The following KCNMA1 variants were observed in gnomAD, a reference collection of about 807,000 sequenced individuals.
KCNMA1 encodes Calcium-activated potassium channel subunit alpha-1.
Under a neutral mutation model 140.0 loss-of-function variants are expected in KCNMA1, and 29 were observed. The observed-to-expected ratio is 0.21, with a 90% confidence interval of 0.15 to 0.28. The LOEUF (loss-of-function observed/expected upper bound fraction) is 0.28, where lower values mean the gene tolerates loss of function less well. Among genes scored for constraint, KCNMA1 ranks in the 10% least tolerant of loss-of-function variants. The probability of loss-of-function intolerance (pLI) is 1.00; values close to 1 mark genes in which losing one functional copy is unlikely to be tolerated. For synonymous variants in KCNMA1, 612 were observed against 611.9 expected (o/e 1.00, Z 0.00); for missense variants, 880 against 1,602.2 (o/e 0.55, Z 7.70).
chr10:76,930,888 T>C (rs576557384), intron 23 of KCNMA1, among the ~76,000 whole-genome samples: 3 of 152,346 alleles, frequency 2.0e-5, no homozygotes, highest in East Asian at 3.9e-4. Flanking sequence ...AAGCCAGTTA[T>C]AGAAGGACAA....
At chr10:77,395,144 C>T (rs1213968779) in intron 2 of KCNMA1, among the ~76,000 whole-genome samples, 3 of 151,960 alleles carry the variant, frequency 2.0e-5, no homozygotes, top group Non-Finnish European at 4.4e-5. Flanking sequence ...CCCAGGGGTT[C>T]AAGACCAACC....
chr10:77,378,098 G>A (rs1007663124), intron 2 of KCNMA1, among the ~76,000 whole-genome samples: 1 of 152,206 alleles, frequency 6.6e-6, no homozygotes, highest in African/African-American at 2.4e-5. Context: ...GAGAGAGTAA[G>A]CCATAGTTCT....
intron 3 of KCNMA1, among the ~76,000 whole-genome samples, chr10:77,199,100 T>G (rs529062760): frequency 1.1e-4 from 17 of 152,292 alleles, no homozygotes; most frequent in Admixed American, 6.5e-4. Context: ...ACTACCTTCC[T>G]CATTCCTTGA....
intron 15 of KCNMA1, among the ~76,000 whole-genome samples, chr10:77,029,746 T>C (rs550654269): frequency 1.3e-5 from 2 of 152,140 alleles, no homozygotes; most frequent in East Asian, 3.9e-4. Context: ...AAGAGCTTTC[T>C]AGGAAGTAGA....
At chr10:77,364,173 G>A (rs1376359689) in intron 2 of KCNMA1, among the ~76,000 whole-genome samples, 5 of 152,126 alleles carry the variant, frequency 3.3e-5, no homozygotes, top group East Asian at 3.9e-4. Context: ...CTGTGCGGCC[G>A]GGCGCAGTGG....
intron 5 of KCNMA1, among the ~76,000 whole-genome samples, chr10:77,133,054 ACAAT>A (rs2097898643): frequency 2.0e-5 from 3 of 152,102 alleles, no homozygotes; most frequent in South Asian, 4.1e-4. Flanking sequence ...TTGATAGGAT[ACAAT>A]CAATCATATA....
In KCNMA1 at chr10:77,519,179, G is replaced by A. The variant is rs117667149; in HGVS notation, c.379-115156C>T. On this transcript the variant is annotated intron_variant, in intron 1 of 27. Transcript: ENST00000286628. ...CAGCCCGCCTGGCCTGGGCCAGCAC[G>A]CTGACATTTTCCATGAGTCCACATC... Among the ~76,000 whole-genome samples the A allele has an allele frequency of 8.1e-4, 123 of 152,362 alleles. 1 individual carries two copies. The highest frequency in any genetic ancestry group is 7.5e-3 in the East Asian group (39 of 5,186).
chr10:77,408,582 C>T (rs1482432249), intron 1 of KCNMA1, among the ~76,000 whole-genome samples: 1 of 152,138 alleles, frequency 6.6e-6, no homozygotes, highest in African/African-American at 2.4e-5. Context: ...GGGAGAGAAA[C>T]CCCACTGGCT....
At chr10:77,389,472 C>A (rs752997349) in intron 2 of KCNMA1, among the ~76,000 whole-genome samples, 1 of 152,074 alleles carries the variant, frequency 6.6e-6, no homozygotes, top group Non-Finnish European at 1.5e-5. Flanking sequence ...AAAAGCAATA[C>A]AAAGAGCAAA....
chr10:77,375,898 C>T (rs1038721003), intron 2 of KCNMA1, among the ~76,000 whole-genome samples: 2 of 151,978 alleles, frequency 1.3e-5, no homozygotes, highest in Admixed American at 6.5e-5. Flanking sequence ...CTGCATCCAG[C>T]CTGCATCACG....
chr10:77,475,288 G>C (rs1023573891), intron 1 of KCNMA1, among the ~76,000 whole-genome samples: 3 of 152,178 alleles, frequency 2.0e-5, no homozygotes, highest in African/African-American at 7.2e-5. Flanking sequence ...TCCCCAAGGG[G>C]CAACTCCCTG....
At chr10:77,485,711 T>C (rs1162741529) in intron 1 of KCNMA1, among the ~76,000 whole-genome samples, 2 of 152,194 alleles carry the variant, frequency 1.3e-5, no homozygotes, top group Admixed American at 6.5e-5. Flanking sequence ...CCCTCACTTC[T>C]AAAGCAGCAG....
At chr10:77,387,952 T>C (rs530276477) in intron 2 of KCNMA1, among the ~76,000 whole-genome samples, 1 of 152,276 alleles carries the variant, frequency 6.6e-6, no homozygotes, top group African/African-American at 2.4e-5. Context: ...ATTATGACTG[T>C]TTGCTGCTGA....
chr10:77,009,691 C>G (rs758700687), intron 18 of KCNMA1, among the ~76,000 whole-genome samples: 4 of 152,150 alleles, frequency 2.6e-5, no homozygotes, highest in Non-Finnish European at 5.9e-5. Flanking sequence ...TTCCCCAGTG[C>G]CACTGGCCTT....
intron 11 of KCNMA1, 130 bp downstream of exon 11, chr10:77,086,358 G>A: frequency 1.4e-6 from 1 of 732,052 alleles, no homozygotes; most frequent in Non-Finnish European, 2.5e-6. Flanking sequence ...GTATGTGATT[G>A]ATCTCATTAG....
At chr10:77,472,033 A>G (rs1015542950) in intron 1 of KCNMA1, among the ~76,000 whole-genome samples, 23 of 149,464 alleles carry the variant, frequency 1.5e-4, no homozygotes, top group African/African-American at 5.2e-4. Flanking sequence ...CACACACATG[A>G]CACATATTCA....
chr10:77,031,473 T>G (rs907869163), intron 15 of KCNMA1, among the ~76,000 whole-genome samples: 1 of 152,216 alleles, frequency 6.6e-6, no homozygotes, highest in African/African-American at 2.4e-5. Flanking sequence ...ACCCTATAGG[T>G]ATCTAAGTTT....
rs776108037 is a variant in KCNMA1, at chr10:77,459,452, T to C, written c.379-55429A>G. Among the ~76,000 whole-genome samples the C allele has an allele frequency of 3.7e-4, 57 of 152,190 alleles. 1 individual carries two copies. Among genetic ancestry groups the C allele is most frequent in the Admixed American group, 2.6e-4 (4 of 15,280 alleles). On this transcript the variant is annotated intron_variant, in intron 1 of 27. Coordinates refer to ENST00000286628, the MANE Select transcript of KCNMA1 (RefSeq NM_001161352.2). ...CAGCAACTATACAAACACTGACTAATAAGCTAAAATCGGAAATCTTTATGG... is the reference window on the plus strand; with the variant it reads ...CAGCAACTATACAAACACTGACTAACAAGCTAAAATCGGAAATCTTTATGG...
At chr10:77,159,038 T>A (rs2098524472) in intron 5 of KCNMA1, among the ~76,000 whole-genome samples, 1 of 152,212 alleles carries the variant, frequency 6.6e-6, no homozygotes, top group African/African-American at 2.4e-5. Context: ...TGTGTGAGTT[T>A]TTTCCCCATT....
Sources: gnomAD v4.1 joint callset for allele counts (sites outside exome capture counted in the v4.1 genomes callset) on GRCh38, gnomAD v4.1.1 for gene constraint, MANE v1.5 for transcripts, NCBI Gene and HGNC (gene_info 2026-07-23, HGNC 2026-07-21) for gene names.